CHODL: variants seen among roughly 807,000 people sequenced by gnomAD.
CHODL encodes the protein transmembrane protein MT75.
In CHODL, 29 loss-of-function variants were observed where a neutral mutation model predicts 34.5. The observed-to-expected ratio is 0.84, with a 90% CI of 0.63 to 1.15. CHODL has a LOEUF of 1.15. Ranked by LOEUF, CHODL falls within the 50% of genes most tolerant of loss-of-function variation. The pLI is 0.00. For missense variants in CHODL, 332 were observed against 332.5 expected, an observed-to-expected ratio of 1.00 and a Z score of 0.01; for synonymous variants, 125 against 116.1, an observed-to-expected ratio of 1.08 and a Z score of -0.49.
At chr21:18,126,073 G>A (rs1226726189) in intron 2 of CHODL, among the ~76,000 whole-genome samples, 3 of 152,174 alleles carry the variant, frequency 2.0e-5, no homozygotes, top group Non-Finnish European at 4.4e-5. Flanking sequence ...AAGGCAGAAA[G>A]ATCCCTTGAG....
At chr21:18,156,483 T>C (rs1248842201) in intron 2 of CHODL, among the ~76,000 whole-genome samples, 1 of 152,136 alleles carries the variant, frequency 6.6e-6, no homozygotes, top group Non-Finnish European at 1.5e-5. Context: ...ATTAACGTTT[T>C]AAAAAATAAT....
At chr21:17,931,152 C>G (rs2063269720) in intron 1 of CHODL, among the ~76,000 whole-genome samples, 1 of 152,158 alleles carries the variant, frequency 6.6e-6, no homozygotes, top group African/African-American at 2.4e-5. Flanking sequence ...AGAGCTGGTG[C>G]CTGTGCTCCT....
At chr21:17,965,910 A>ATTT (rs1342267089) in intron 1 of CHODL, among the ~76,000 whole-genome samples, 1 of 58,074 alleles carries the variant, frequency 1.7e-5, no homozygotes. Context: ...AAGAGAAGGT[A>ATTT]ATTTTTTTTT....
chr21:18,086,563 G>A (rs552294149), intron 2 of CHODL, among the ~76,000 whole-genome samples: 2 of 152,014 alleles, frequency 1.3e-5, no homozygotes, highest in Admixed American at 6.6e-5. Context: ...CTTTAATTTT[G>A]TGTGACTTAT....
chr21:18,179,649 G>A lies in CHODL; in HGVS notation c.-44-76860G>A, dbSNP rs115622439. Reference sequence around the variant, plus strand: ...GTAGGGACCAATTATGTCTGATAATGACCTTTCTTTTTCCTCCACTCTCCT... The same window carrying A: ...GTAGGGACCAATTATGTCTGATAATAACCTTTCTTTTTCCTCCACTCTCCT... On this transcript the variant is annotated intron_variant, in intron 2 of 6. Transcript: ENST00000400127. Among the ~76,000 whole-genome samples the A allele has an allele frequency of 1.6e-3, 248 of 152,246 alleles. 3 individuals carry two copies. The highest frequency in any genetic ancestry group is 5.8e-3 in the African/African-American group (239 of 41,564).
intron 2 of CHODL, among the ~76,000 whole-genome samples, chr21:18,150,073 G>T (rs35325236): frequency 0.046 from 7,055 of 152,226 alleles, 260 homozygotes; most frequent in Non-Finnish European, 0.074. Flanking sequence ...GTCCAGAAAG[G>T]TGGGACAACT....
chr21:17,962,000 A>G (rs887059380), intron 1 of CHODL, among the ~76,000 whole-genome samples: 1 of 152,230 alleles, frequency 6.6e-6, no homozygotes. Flanking sequence ...ATTCAATTTC[A>G]TGAAGAGAAG....
rs1239211203 is a variant in CHODL at position 18,128,602 on chromosome 21, T to G, written c.-45+100631T>G. On this transcript the variant is annotated intron_variant, in intron 2 of 6. Transcript: ENST00000400127. ...AAATGTTATTGGAAAGTGGATGGTG[T>G]ATGGTGAGGATGTGCAGTATTCAGT... 2.6e-5 allele frequency among the ~76,000 whole-genome samples: 4 copies of G among 152,214 alleles called. No individual in the cohort carries two copies. The East Asian group carries it at 5.8e-4, about 22-fold the overall frequency.
intron 1 of CHODL, among the ~76,000 whole-genome samples, chr21:17,994,959 C>T (rs1218825290): frequency 1.3e-5 from 2 of 152,108 alleles, no homozygotes; most frequent in South Asian, 2.1e-4. Context: ...AATACTTTGG[C>T]TTCCTTTGTT....
chr21:18,122,004 A>G (rs1406471166), intron 2 of CHODL, among the ~76,000 whole-genome samples: 1 of 152,152 alleles, frequency 6.6e-6, no homozygotes, highest in Non-Finnish European at 1.5e-5. Context: ...TATCCATATT[A>G]AATAAATGAA....
Position 18,056,483 on chromosome 21 carries a change from T to A in CHODL, c.-45+28512T>A, listed in dbSNP as rs925944866. 2.0e-5 allele frequency among the ~76,000 whole-genome samples: 3 copies of A among 151,608 alleles called. No individual in the cohort carries two copies. In the South Asian group the frequency reaches 6.2e-4, roughly 31 times the overall value. ...CATGGGCCTATTTTCCTTCTTTTTT[T>A]TTTTTTGTGGTGAGTGGGGCATTCC... On this transcript the variant is annotated intron_variant, in intron 2 of 6. Coordinates refer to the CHODL transcript ENST00000400127.
intron 1 of CHODL, among the ~76,000 whole-genome samples, chr21:17,973,485 C>G (rs570118670): frequency 8.2e-5 from 12 of 146,008 alleles, no homozygotes; most frequent in Non-Finnish European, 1.6e-4. Flanking sequence ...GGCTCAATCT[C>G]GGCTCACTGC....
intron 2 of CHODL, among the ~76,000 whole-genome samples, chr21:18,095,997 A>G (rs1735300): frequency 0.36 from 54,510 of 152,120 alleles, 12,164 homozygotes; most frequent in Non-Finnish European, 0.51. Context: ...CCCTGAATGG[A>G]GGGACTGGCT....
chr21:18,116,045 T>G (rs971708663), intron 2 of CHODL, among the ~76,000 whole-genome samples: 1 of 152,188 alleles, frequency 6.6e-6, no homozygotes, highest in Non-Finnish European at 1.5e-5. Context: ...CTTGAGAATA[T>G]TTTGTTTTTT....
intron 2 of CHODL, among the ~76,000 whole-genome samples, chr21:18,146,159 A>G (rs980556180): frequency 1.6e-5 from 2 of 124,536 alleles, no homozygotes; most frequent in Non-Finnish European, 1.7e-5. Context: ...TTGTATTTTT[A>G]GTAGAGACGG....
chr21:18,093,708 A>G (rs1387263463), intron 2 of CHODL, among the ~76,000 whole-genome samples: 2 of 152,180 alleles, frequency 1.3e-5, no homozygotes, highest in African/African-American at 4.8e-5. Flanking sequence ...GTCTTGTAGT[A>G]ACATCAAATT....
intron 1 of CHODL, among the ~76,000 whole-genome samples, chr21:17,933,767 G>T (rs979413595): frequency 5.9e-5 from 9 of 152,066 alleles, no homozygotes; most frequent in African/African-American, 2.2e-4. Flanking sequence ...TAGGCCGGGC[G>T]TGGTGGCTCA....
chr21:18,192,852 T>C (rs1321434416), intron 2 of CHODL, among the ~76,000 whole-genome samples: 1 of 152,152 alleles, frequency 6.6e-6, no homozygotes, highest in African/African-American at 2.4e-5. Context: ...GTTGTCCTCA[T>C]GAGCCTTTAA....
chr21:18,166,025 GA>G (rs1281777910), intron 2 of CHODL, among the ~76,000 whole-genome samples: 1 of 152,114 alleles, frequency 6.6e-6, no homozygotes, highest in Non-Finnish European at 1.5e-5. Flanking sequence ...CACCTTAGCT[GA>G]ATTCTCTACT....
Sources: gnomAD v4.1 joint callset for allele counts (sites outside exome capture counted in the v4.1 genomes callset) on GRCh38, gnomAD v4.1.1 for gene constraint, MANE v1.5 for transcripts, NCBI Gene and HGNC (gene_info 2026-07-23, HGNC 2026-07-21) for gene names.